Variants in VCP observed in about 807,000 individuals in gnomAD.
VCP encodes the protein valosin containing protein.
In VCP, 6 loss-of-function variants were observed where a neutral mutation model predicts 85.7. The observed-to-expected ratio is 0.07, with a 90% CI of 0.04 to 0.14. VCP has a LOEUF of 0.14. Among genes scored for constraint, VCP ranks in the 10% least tolerant of loss-of-function variants. VCP has a pLI of 1.00. For missense variants in VCP, 353 were observed against 1,043.4 expected (o/e 0.34, Z 9.12); for synonymous variants, 384 against 367.1 (o/e 1.05, Z -0.53).
chr9:35,067,057 G>C (rs1477740706), intron 3 of VCP, among the ~76,000 whole-genome samples: 1 of 152,146 alleles, frequency 6.6e-6, no homozygotes, highest in Admixed American at 6.5e-5. Context: ...AGACATGCAG[G>C]GTCTTCAGGG....
intron 15 of VCP, chr9:35,057,746 T>C (rs1288719201): frequency 9.5e-6 from 6 of 634,566 alleles, no homozygotes; most frequent in African/African-American, 1.8e-5. Flanking sequence ...AGAAATCACA[T>C]CAGTGATGGG....
rs777402266 is a variant in VCP at position 35,059,610 on chromosome 9, A to G, written c.1887T>C (p.Ile629=). 9 of 1,614,206 alleles carry G rather than the reference A, an allele frequency of 5.6e-6. No homozygotes were observed. The highest frequency in any genetic ancestry group is 3.3e-5 in the Admixed American group (2 of 60,022). The part of the protein sequence containing the change: ...IIGATNRPDI[I]DPAILRPGRL... ...GGCCAGGTCTGAGGATGGCAGGATC[A>G]ATGATGTCAGGCCGGTTGGTAGCGC... The change falls in exon 14 of 17, where the codon ATT becomes ATC. Residue 629 remains isoleucine, a synonymous_variant. Coordinates refer to ENST00000358901, the MANE Select transcript of VCP (RefSeq NM_007126.5). The surrounding 1 kb of genome is among the most constrained non-coding windows in gnomAD (Gnocchi z 4.9).
chr9:35,067,817 A>G, intron 3 of VCP, 74 bp downstream of exon 3: 1 of 1,594,662 alleles, frequency 6.3e-7, no homozygotes, highest in South Asian at 1.1e-5. Flanking sequence ...CCTGCCTGTA[A>G]TACATGGGTC....
intron 1 of VCP, among the ~76,000 whole-genome samples, chr9:35,070,239 G>A (rs1828913671): frequency 6.6e-6 from 1 of 152,102 alleles, no homozygotes; most frequent in Admixed American, 6.5e-5. Flanking sequence ...ATGCTGCTGA[G>A]TAGGCAGACT....
intron 5 of VCP, among the ~76,000 whole-genome samples, chr9:35,064,499 A>C (rs749743507): frequency 3.3e-5 from 5 of 152,198 alleles, no homozygotes; most frequent in Non-Finnish European, 5.9e-5. Flanking sequence ...CAATACAGCA[A>C]GACTCCATCT....
chr9:35,057,213 T>C lies in VCP; in HGVS notation c.2325A>G (p.Ser775=). 1 of 1,614,234 alleles carries C rather than the reference T, an allele frequency of 6.2e-7. No homozygotes were observed. The highest frequency in any genetic ancestry group is 1.1e-5 in the South Asian group (1 of 91,088). Residue 775 remains serine, a synonymous_variant, in exon 17 of 17, where the codon TCA becomes TCG. Transcript: ENST00000358901. ...TGGGGCCAGCTCCACCCTGGTTCCCTGAAGGGAATCTGTGTACAAGAGCAA... is the reference window on the plus strand; with the variant it reads ...TGGGGCCAGCTCCACCCTGGTTCCCCGAAGGGAATCTGTGTACAAGAGCAA... ...SRGFGSFRFP[S]GNQGGAGPSQ...
chr9:35,063,615 A>C (rs1040951322), intron 6 of VCP, among the ~76,000 whole-genome samples: 3 of 152,196 alleles, frequency 2.0e-5, no homozygotes, highest in African/African-American at 7.2e-5. Context: ...CCACATAGAA[A>C]ATGAAATTAT....
At position 35,061,009 on chromosome 9, in the gene VCP, C is replaced by T. The variant is rs747491775; in HGVS notation, c.1359+6G>A. On this transcript the variant is annotated splice_donor_region_variant and intron_variant, in intron 11 of 16. Transcript: ENST00000358901. ...TGTGTACCTGAGGCACGGGTGTGGT[C>T]CTTACCCGGAAGTCATCCATAGTAA... 1 of 1,613,968 alleles carries T rather than the reference C, an allele frequency of 6.2e-7. No individual in the cohort carries two copies. The highest frequency in any genetic ancestry group is 8.5e-7 in the Non-Finnish European group (1 of 1,180,034).
intron 12 of VCP, 120 bp downstream of exon 12, chr9:35,060,681 C>T: frequency 6.3e-7 from 1 of 1,578,130 alleles, no homozygotes; most frequent in Non-Finnish European, 8.7e-7. Context: ...AACCTAAGAA[C>T]AGTAGGTTCC....
chr9:35,072,084 T>C (rs1408560176), intron 1 of VCP: 6 of 1,307,586 alleles, frequency 4.6e-6, no homozygotes, highest in Non-Finnish European at 4.8e-6. Flanking sequence ...GGGGCCTGCA[T>C]GACACAGCAC....
chr9:35,066,667 G>C lies in VCP; in HGVS notation c.445+8C>G. The C allele has an allele frequency of 6.2e-7, 1 of 1,613,984 alleles. No individual in the cohort carries two copies. On this transcript the variant is annotated splice_region_variant and intron_variant, in intron 4 of 16. Transcript: ENST00000358901. Reference sequence around the variant, plus strand: ...TCAATAATCCTTAAGCTCAGAATTAGCTCTCACCTTTCCGGATGGGTCGAT... The same window carrying C: ...TCAATAATCCTTAAGCTCAGAATTACCTCTCACCTTTCCGGATGGGTCGAT...
At chr9:35,063,478 C>CT (rs1185449448) in intron 6 of VCP, among the ~76,000 whole-genome samples, 2 of 152,182 alleles carry the variant, frequency 1.3e-5, no homozygotes, top group Non-Finnish European at 2.9e-5. Flanking sequence ...GCCAGAGGAT[C>CT]ACTCACTCCA....
intron 15 of VCP, 23 bp from the exon 16 acceptor site, chr9:35,057,553 ACTAGGG>A: frequency 6.2e-7 from 1 of 1,604,590 alleles, no homozygotes; most frequent in Non-Finnish European, 8.5e-7. Context: ...AACACAGATC[ACTAGGG>A]CTAGTTAAAG....
At chr9:35,069,555 T>G (rs1234276139) in intron 1 of VCP, among the ~76,000 whole-genome samples, 2 of 150,312 alleles carry the variant, frequency 1.3e-5, no homozygotes, top group South Asian at 2.1e-4. Flanking sequence ...CGGGTTCAAG[T>G]GATTCTCCTG....
intron 13 of VCP, 59 bp downstream of exon 13, chr9:35,060,254 C>T (rs1828695751): frequency 1.9e-6 from 3 of 1,563,198 alleles, no homozygotes; most frequent in Non-Finnish European, 2.6e-6. Flanking sequence ...TAAAGAAAAA[C>T]AGCCTCTATT....
chr9:35,061,471 G>T, intron 10 of VCP, 106 bp downstream of exon 10: 1 of 1,188,642 alleles, frequency 8.4e-7, no homozygotes, highest in Non-Finnish European at 1.3e-6. Context: ...CCCCTGTCCA[G>T]AAATCAAAAC....
At chr9:35,062,880 G>A (rs1359619131) in intron 7 of VCP, 98 bp downstream of exon 7, 1 of 1,066,624 alleles carries the variant, frequency 9.4e-7, no homozygotes, top group Non-Finnish European at 1.5e-6. Flanking sequence ...CATGAAGGAG[G>A]GCATGGGTGC....
chr9:35,072,152 G>A (rs1828966277), intron 1 of VCP, 185 bp downstream of exon 1: 2 of 1,399,222 alleles, frequency 1.4e-6, no homozygotes, highest in Non-Finnish European at 1.8e-6. Context: ...GGGCGCGCGG[G>A]TGCGCAGCTG....
chr9:35,060,942 C>T lies in VCP; in HGVS notation c.1360-19G>A. The T allele has an allele frequency of 6.2e-7, 1 of 1,614,198 alleles. No homozygotes were observed. Among genetic ancestry groups the T allele is most frequent in the Non-Finnish European group, 8.5e-7 (1 of 1,180,028 alleles). On this transcript the variant is annotated intron_variant, in intron 11 of 16. Coordinates refer to ENST00000358901, the MANE Select transcript of VCP (RefSeq NM_007126.5). ...AGGCCCACTAGAAAAGGAGGGAAAA[C>T]TGGGGATGAGACTTATCAAGGGAGG...
Sources: allele counts gnomAD v4.1 joint callset (sites outside exome capture counted in the v4.1 genomes callset), GRCh38; gene constraint gnomAD v4.1.1; non-coding constraint Gnocchi (gnomAD v3.1); transcripts MANE v1.5; gene names NCBI Gene and HGNC (gene_info 2026-07-23, HGNC 2026-07-21).